NUDT3: variants seen among roughly 807,000 people sequenced by gnomAD.
The protein encoded by NUDT3 is nudix hydrolase 3.
Under a neutral mutation model 23.6 loss-of-function variants are expected in NUDT3, and 9 were observed. That is an observed-to-expected ratio of 0.38 (90% CI 0.23 to 0.66). NUDT3 has a LOEUF of 0.66. Ranked by LOEUF, NUDT3 falls within the 30% of genes least tolerant of loss-of-function variation. NUDT3 has a pLI of 0.52. For missense variants in NUDT3, 172 were observed against 218.5 expected, an observed-to-expected ratio of 0.79 and a Z score of 1.34; for synonymous variants, 86 against 82.6, an observed-to-expected ratio of 1.04 and a Z score of -0.22.
chr6:34,339,936 G>A (rs537463411), intron 2 of NUDT3, among the ~76,000 whole-genome samples: 3 of 152,238 alleles, frequency 2.0e-5, no homozygotes, highest in Non-Finnish European at 2.9e-5. Context: ...AATCCTAGAC[G>A]GTGACGGCTT....
At chr6:34,375,418 C>T (rs565686927) in intron 1 of NUDT3, among the ~76,000 whole-genome samples, 1 of 152,258 alleles carries the variant, frequency 6.6e-6, no homozygotes, top group East Asian at 1.9e-4. Flanking sequence ...ATAGTTTATC[C>T]TCCGTGGAGT....
At chr6:34,355,862 G>C (rs1412491776) in intron 1 of NUDT3, among the ~76,000 whole-genome samples, 3 of 152,160 alleles carry the variant, frequency 2.0e-5, no homozygotes, top group Non-Finnish European at 2.9e-5. Flanking sequence ...AACATGTGAA[G>C]GTCCCTAGAG....
intron 1 of NUDT3, among the ~76,000 whole-genome samples, chr6:34,346,091 A>G (rs925087033): frequency 1.1e-4 from 17 of 152,274 alleles, no homozygotes; most frequent in African/African-American, 4.1e-4. Context: ...ACTAAATCAT[A>G]AAACTACTGC....
rs1481756373 is a variant in NUDT3, at chr6:34,280,825, C to T, written c.*7928G>A. 6.6e-6 allele frequency: 1 copy of T among 152,086 alleles called. No homozygotes were observed. Among genetic ancestry groups the T allele is most frequent in the East Asian group, 1.9e-4 (1 of 5,186 alleles). 9.4% of individuals were successfully genotyped at this position (152,086 alleles called of 1,614,324 possible). ...TGTGTGATTCCCCAGGGGACTGGTCCCTGGGTACATGGGTCCCTGGCTCTC... is the reference window on the plus strand; with the variant it reads ...TGTGTGATTCCCCAGGGGACTGGTCTCTGGGTACATGGGTCCCTGGCTCTC... On this transcript the variant is annotated 3_prime_UTR_variant, in exon 5 of 5. Transcript: ENST00000607016.
At chr6:34,300,534 G>T (rs1192882658) in intron 2 of NUDT3, among the ~76,000 whole-genome samples, 1 of 152,198 alleles carries the variant, frequency 6.6e-6, no homozygotes, top group Non-Finnish European at 1.5e-5. Flanking sequence ...TTCTGGAAAA[G>T]ATTTCCCACC....
chr6:34,295,148 G>A (rs1763480577), intron 3 of NUDT3, among the ~76,000 whole-genome samples: 1 of 151,958 alleles, frequency 6.6e-6, no homozygotes. Flanking sequence ...TAGTAGTTTA[G>A]GGGACAAGAC....
intron 1 of NUDT3, among the ~76,000 whole-genome samples, chr6:34,381,803 G>A (rs187614120): frequency 6.8e-4 from 104 of 151,942 alleles, no homozygotes; most frequent in Middle Eastern, 3.4e-3. Flanking sequence ...GGCTGGGCAC[G>A]GTGGCTCACA....
At position 34,282,498 on chromosome 6, in the gene NUDT3, T is replaced by C. The variant is rs1763290818; in HGVS notation, c.*6255A>G. On this transcript the variant is annotated 3_prime_UTR_variant, in exon 5 of 5. Coordinates refer to ENST00000607016, the MANE Select transcript of NUDT3 (RefSeq NM_006703.4). ...CACAAAGGCTTAAGAGTGATCTAAA[T>C]GCCTGGCTGGAAGCTCAAGTCTAGG... 6.6e-6 allele frequency: 1 copy of C among 152,228 alleles called. No homozygotes were observed. Among genetic ancestry groups the C allele is most frequent in the Non-Finnish European group, 1.5e-5 (1 of 68,048 alleles). 9.4% of individuals were successfully genotyped at this position (152,228 alleles called of 1,614,324 possible).
chr6:34,321,311 A>T (rs1763938848), intron 2 of NUDT3, among the ~76,000 whole-genome samples: 1 of 151,878 alleles, frequency 6.6e-6, no homozygotes, highest in East Asian at 1.9e-4. Context: ...GGTGGTGCGC[A>T]CCTGTAATCC....
intron 1 of NUDT3, among the ~76,000 whole-genome samples, chr6:34,371,867 G>A (rs1764836019): frequency 1.3e-5 from 2 of 152,112 alleles, no homozygotes; most frequent in South Asian, 4.1e-4. Context: ...TTTACATTAG[G>A]TATATCTCCT....
chr6:34,376,160 G>A (rs939664435), intron 1 of NUDT3, among the ~76,000 whole-genome samples: 1 of 152,038 alleles, frequency 6.6e-6, no homozygotes, highest in African/African-American at 2.4e-5. Context: ...TCTTCTCTCC[G>A]AAACCAACCT....
intron 1 of NUDT3, among the ~76,000 whole-genome samples, chr6:34,378,626 A>G (rs1038886635): frequency 6.6e-6 from 1 of 152,214 alleles, no homozygotes; most frequent in African/African-American, 2.4e-5. Context: ...AGCAAAAGCC[A>G]CAGCCTGGGT....
In NUDT3 at chr6:34,342,284, G is replaced by A. The variant is rs866094405; in HGVS notation, c.100-312C>T. ...CACAGACCTGACAAGGTGAATAGAA[G>A]ACTTCAAAAAAAAAAAAAAAAAAAA... On this transcript the variant is annotated intron_variant, in intron 1 of 4. Coordinates refer to ENST00000607016, the MANE Select transcript of NUDT3 (RefSeq NM_006703.4). Among the ~76,000 whole-genome samples, 629 of 66,214 alleles carry A rather than the reference G, an allele frequency of 9.5e-3. 5 individuals are homozygous for A. Among genetic ancestry groups the A allele is most frequent in the African/African-American group, 0.036 (596 of 16,534 alleles). The allele number at this position is 66,214 out of a possible 152,430, so 43.4% of individuals were successfully genotyped here. A position where few individuals can be genotyped will look rare whatever the true frequency, so the allele number is the denominator to read the frequency against.
intron 1 of NUDT3, among the ~76,000 whole-genome samples, chr6:34,358,959 A>T (rs917544636): frequency 6.6e-6 from 1 of 152,240 alleles, no homozygotes; most frequent in African/African-American, 2.4e-5. Flanking sequence ...TTGTGTTCTG[A>T]AATGAATTAA....
intron 1 of NUDT3, among the ~76,000 whole-genome samples, chr6:34,386,874 GGAGGCT>G (rs1483343713): frequency 1.3e-5 from 2 of 152,208 alleles, no homozygotes; most frequent in Non-Finnish European, 2.9e-5. Context: ...CAGCACTTAG[GGAGGCT>G]GAGGATGCAG....
chr6:34,347,900 G>A (rs1482154117), intron 1 of NUDT3, among the ~76,000 whole-genome samples: 2 of 151,970 alleles, frequency 1.3e-5, no homozygotes, highest in African/African-American at 4.8e-5. Context: ...TTACTTGGGA[G>A]GCTGAGGTAG....
chr6:34,289,746 TCTTA>T (rs990485618), intron 4 of NUDT3, among the ~76,000 whole-genome samples: 1 of 152,236 alleles, frequency 6.6e-6, no homozygotes, highest in African/African-American at 2.4e-5. Context: ...CAGTCTATTT[TCTTA>T]CTCTTTTCTA....
intron 2 of NUDT3, among the ~76,000 whole-genome samples, chr6:34,335,233 C>T (rs1471010382): frequency 6.6e-6 from 1 of 152,108 alleles, no homozygotes; most frequent in Non-Finnish European, 1.5e-5. Flanking sequence ...ACTCCATGAC[C>T]CCCAGCCTTG....
intron 1 of NUDT3, among the ~76,000 whole-genome samples, chr6:34,363,989 G>A (rs1021145249): frequency 2.0e-5 from 3 of 151,996 alleles, no homozygotes; most frequent in Admixed American, 6.6e-5. Flanking sequence ...GTCGCCCAAC[G>A]TCTGTTTCTC....
Sources: gnomAD v4.1 joint callset for allele counts (sites outside exome capture counted in the v4.1 genomes callset) on GRCh38, gnomAD v4.1.1 for gene constraint, MANE v1.5 for transcripts, NCBI Gene and HGNC (gene_info 2026-07-23, HGNC 2026-07-21) for gene names.